Variants in C6orf89 observed in about 807,000 individuals in gnomAD.
The protein encoded by C6orf89 is chromosome 6 open reading frame 89.
Under a neutral mutation model 40.7 loss-of-function variants are expected in C6orf89, and 29 were observed. The observed-to-expected ratio is 0.71, with a 90% CI of 0.53 to 0.97. The LOEUF is 0.97. C6orf89 is among the 50% of genes least tolerant of loss of function. The pLI is 0.00. For synonymous variants in C6orf89, 165 were observed against 152.2 expected (o/e 1.08, Z -0.62); for missense variants, 392 against 429.1 (o/e 0.91, Z 0.76).
In C6orf89 at chr6:36,926,592, AAAGGG is replaced by A. The variant is rs143109651; in HGVS notation, c.*3158_*3162del. On this transcript the variant is annotated 3_prime_UTR_variant, in exon 9 of 9. Transcript: ENST00000480824. The stretch of plus-strand genomic sequence containing the variant: ...GAGAAAAGAAGAGGGGAGGGGAGGG[AAAGGG>A]AAGGGAGGGGAGGGGAGGAGAGGAG... 5.3e-4 allele frequency: 37 copies of A among 70,424 alleles called. 1 individual carries two copies. The highest frequency in any genetic ancestry group is 7.6e-4 in the Admixed American group (6 of 7,878). 4.4% of individuals were successfully genotyped at this position (70,424 alleles called of 1,614,324 possible). A position where few individuals can be genotyped will look rare whatever the true frequency, so the allele number is the denominator to read the frequency against.
At chr6:36,892,251 G>A (rs922229169) in intron 1 of C6orf89, among the ~76,000 whole-genome samples, 3 of 152,182 alleles carry the variant, frequency 2.0e-5, no homozygotes, top group Non-Finnish European at 2.9e-5. Context: ...TTGAGGAGGG[G>A]TAGGAGGAGG....
chr6:36,903,009 G>A (rs1265796552), intron 4 of C6orf89, among the ~76,000 whole-genome samples: 1 of 152,160 alleles, frequency 6.6e-6, no homozygotes, highest in African/African-American at 2.4e-5. Flanking sequence ...ACAGTGCATC[G>A]GTGGCATAAG....
chr6:36,901,755 C>T lies in C6orf89; in HGVS notation c.190-466C>T, dbSNP rs576458910. Among the ~76,000 whole-genome samples, 86 of 152,062 alleles carry T rather than the reference C, an allele frequency of 5.7e-4. 1 individual carries two copies. The South Asian group carries it at 0.016, about 28-fold the overall frequency. ...GCGCGATCTCGGCTCACTGCAAGCT[C>T]CGCCTCCCGGGTTCCCGCCATTCTC... On this transcript the variant is annotated intron_variant, in intron 3 of 8. Coordinates refer to ENST00000480824, the MANE Select transcript of C6orf89 (RefSeq NM_001286635.2).
At chr6:36,891,197 A>G (rs776820389) in intron 1 of C6orf89, among the ~76,000 whole-genome samples, 6 of 151,900 alleles carry the variant, frequency 3.9e-5, no homozygotes, top group African/African-American at 1.5e-4. Flanking sequence ...CCTGTGTCCA[A>G]GTGTTCTCAT....
At chr6:36,889,851 A>G (rs1021556895) in intron 1 of C6orf89, among the ~76,000 whole-genome samples, 1 of 152,240 alleles carries the variant, frequency 6.6e-6, no homozygotes, top group African/African-American at 2.4e-5. Flanking sequence ...TAGGAGATGC[A>G]TGTTGAAATA....
rs1453949418 is a variant in C6orf89 at position 36,880,601 on chromosome 6, CA to C, written c.-503+1470del. The stretch of plus-strand genomic sequence containing the variant: ...CAACTTTAAATATTATTGATAAAGA[CA>C]TTTTGTCTAAATTATGCAGGTCAGA... On this transcript the variant is annotated intron_variant, in intron 2 of 9. Coordinates refer to the C6orf89 transcript ENST00000359359. Among the ~76,000 whole-genome samples the C allele has an allele frequency of 1.5e-4, 20 of 132,572 alleles. No individual in the cohort carries two copies. In the Middle Eastern group the frequency reaches 0.011, roughly 74 times the overall value. 87.0% of individuals were successfully genotyped at this position (132,572 alleles called of 152,430 possible). A position where few individuals can be genotyped will look rare whatever the true frequency, so the allele number is the denominator to read the frequency against.
chr6:36,877,052 G>A (rs542281375), intron 1 of C6orf89, among the ~76,000 whole-genome samples: 3 of 152,090 alleles, frequency 2.0e-5, no homozygotes, highest in Admixed American at 6.5e-5. Context: ...TATAAAGTAC[G>A]TATTTTTTTG....
chr6:36,905,600 C>T (rs1254969909), intron 4 of C6orf89, among the ~76,000 whole-genome samples: 1 of 152,224 alleles, frequency 6.6e-6, no homozygotes, highest in Non-Finnish European at 1.5e-5. Flanking sequence ...CCTCCCTAGT[C>T]TGCACCCTTA....
chr6:36,913,762 A>G (rs2150708867), intron 4 of C6orf89, among the ~76,000 whole-genome samples: 1 of 152,038 alleles, frequency 6.6e-6, no homozygotes, highest in South Asian at 2.1e-4. Flanking sequence ...TACAGAGAAG[A>G]GTACCTCTCC....
Position 36,927,454 on chromosome 6 carries a change from G to C in C6orf89, c.*4013G>C, listed in dbSNP as rs190772226. On this transcript the variant is annotated 3_prime_UTR_variant, in exon 9 of 9. Coordinates refer to ENST00000480824, the MANE Select transcript of C6orf89 (RefSeq NM_001286635.2). ...GAAAGAGAGAGAAAGGCGCATGTCT[G>C]TTTGCACAGAGAGAGGCAATTTTGT... is the stretch of plus-strand genomic sequence containing the variant. 3.3e-5 allele frequency: 5 copies of C among 152,354 alleles called. No individual in the cohort carries two copies. Among genetic ancestry groups the C allele is most frequent in the Admixed American group, 3.3e-4 (5 of 15,310 alleles). 9.4% of individuals were successfully genotyped at this position (152,354 alleles called of 1,614,324 possible).
Position 36,923,518 on chromosome 6 carries a change from T to A in C6orf89, c.*77T>A, listed in dbSNP as rs1583209198. On this transcript the variant is annotated 3_prime_UTR_variant, in exon 9 of 9. Coordinates refer to ENST00000480824, the MANE Select transcript of C6orf89 (RefSeq NM_001286635.2). ...AGGGGAAAAATAAAAACAAAAACGA[T>A]GAAACTGCTTTCTGGGGGTTGGTTA... 3.6e-6 allele frequency: 4 copies of A among 1,122,024 alleles called. No homozygotes were observed. The highest frequency in any genetic ancestry group is 5.4e-6 in the Non-Finnish European group (4 of 746,418). The allele number at this position is 1,122,024 out of a possible 1,614,324, so 69.5% of individuals were successfully genotyped here. A position where few individuals can be genotyped will look rare whatever the true frequency, so the allele number is the denominator to read the frequency against.
chr6:36,917,166 A>G (rs954603447), intron 7 of C6orf89, among the ~76,000 whole-genome samples: 2 of 152,344 alleles, frequency 1.3e-5, no homozygotes, highest in South Asian at 2.1e-4. Context: ...TTGCCCAAGG[A>G]CACACCCTTT....
rs1762689464 is a variant in C6orf89, at chr6:36,926,619, G to A, written c.*3178G>A. ...AGGGAAGGGAGGGGAGGGGAGGAGA[G>A]GAGAGCAGATTGGGGGGGCTCATGT... On this transcript the variant is annotated 3_prime_UTR_variant, in exon 9 of 9. Coordinates refer to ENST00000480824, the MANE Select transcript of C6orf89 (RefSeq NM_001286635.2). 2.1e-5 allele frequency: 3 copies of A among 145,712 alleles called. No homozygotes were observed. Among genetic ancestry groups the A allele is most frequent in the Non-Finnish European group, 3.0e-5 (2 of 66,164 alleles). 9.0% of individuals were successfully genotyped at this position (145,712 alleles called of 1,614,324 possible). A position where few individuals can be genotyped will look rare whatever the true frequency, so the allele number is the denominator to read the frequency against.
chr6:36,902,271 A>G lies in C6orf89; in HGVS notation c.240A>G (p.Gln80=), dbSNP rs148827091. ...TGCTCACTGCCTACTTTGTGATTCAACCTTTCAGCCCATTAGCACCTGAGC... is the reference window on the plus strand; with the variant it reads ...TGCTCACTGCCTACTTTGTGATTCAGCCTTTCAGCCCATTAGCACCTGAGC... ...LILLTAYFVI[Q]PFSPLAPEPV... The change falls in exon 4 of 9, where the codon CAA becomes CAG. Residue 80 remains glutamine (Q), a synonymous_variant. Transcript: ENST00000480824. The G allele has an allele frequency of 5.7e-4, 915 of 1,613,934 alleles. No individual in the cohort carries two copies. The highest frequency in any genetic ancestry group is 7.5e-4 in the Non-Finnish European group (888 of 1,180,024).
At chr6:36,876,618 G>A (rs1774659627) in intron 1 of C6orf89, among the ~76,000 whole-genome samples, 1 of 151,796 alleles carries the variant, frequency 6.6e-6, no homozygotes, top group Admixed American at 6.6e-5. Context: ...CTGCTACTTC[G>A]GAGGCTGAGG....
chr6:36,923,247 C>A, intron 8 of C6orf89, 100 bp from the exon 9 acceptor site: 1 of 746,780 alleles, frequency 1.3e-6, no homozygotes, highest in Non-Finnish European at 2.3e-6. Flanking sequence ...CTCTGCAGTG[C>A]ACCCTGAGGG....
chr6:36,892,420 G>C (rs1267152403), intron 1 of C6orf89, among the ~76,000 whole-genome samples: 2 of 152,128 alleles, frequency 1.3e-5, no homozygotes, highest in African/African-American at 4.8e-5. Context: ...GTAACTCACT[G>C]AGCCTCTAAC....
In C6orf89 at chr6:36,926,276, T is replaced by TCAC. The variant is rs1253370868; in HGVS notation, c.*2835_*2836insCAC. On this transcript the variant is annotated 3_prime_UTR_variant, in exon 9 of 9. Transcript: ENST00000480824. ...AGCTGGGCATGGTGGCTCACACCTG[T>TCAC]AATTGCAGCACTTTGGGAGGCTGAG... 1 of 152,146 alleles carries TCAC rather than the reference T, an allele frequency of 6.6e-6. No individual in the cohort carries two copies. The highest frequency in any genetic ancestry group is 2.4e-5 in the African/African-American group (1 of 41,410). The allele number at this position is 152,146 out of a possible 1,614,324, so 9.4% of individuals were successfully genotyped here. A position where few individuals can be genotyped will look rare whatever the true frequency, so the allele number is the denominator to read the frequency against.
chr6:36,894,327 T>G (rs560880847), intron 1 of C6orf89, among the ~76,000 whole-genome samples, 177 bp from the exon 2 acceptor site: 1 of 152,318 alleles, frequency 6.6e-6, no homozygotes, highest in African/African-American at 2.4e-5. Context: ...TTTAATGGGT[T>G]TTGACTGGGT....
Sources: gnomAD v4.1 joint callset for allele counts (sites outside exome capture counted in the v4.1 genomes callset) on GRCh38, gnomAD v4.1.1 for gene constraint, MANE v1.5 for transcripts, NCBI Gene and HGNC (gene_info 2026-07-23, HGNC 2026-07-21) for gene names.